The following SLC38A12 variants were observed in gnomAD, a reference collection of about 807,000 sequenced individuals.
SLC38A12 encodes the protein solute carrier family 38 member 12.
the SLC38A12 span, chr17:74,790,369 C>T: frequency 3.8e-6 from 5 of 1,325,986 alleles, no homozygotes; most frequent in South Asian, 4.7e-5. Flanking sequence ...TGGAGAGGGC[C>T]CTGGAGAGGC....
chr17:74,777,593 G>A, the SLC38A12 span: 8 of 1,508,592 alleles, frequency 5.3e-6, no homozygotes, highest in Non-Finnish European at 6.2e-6. Context: ...TGTCAGAGTG[G>A]TCAAGCCAAA....
chr17:74,834,921 CAGAA>C, the SLC38A12 span, among the ~76,000 whole-genome samples: 2 of 152,236 alleles, frequency 1.3e-5, no homozygotes, highest in Non-Finnish European at 1.5e-5. Flanking sequence ...GCGGGAGACA[CAGAA>C]AGATCTAAGA....
the SLC38A12 span, chr17:74,839,086 C>G: frequency 6.5e-7 from 1 of 1,534,900 alleles, no homozygotes; most frequent in South Asian, 1.2e-5. Context: ...CCCACAGAAG[C>G]ACCAGACCCA....
the SLC38A12 span, among the ~76,000 whole-genome samples, chr17:74,830,160 G>A: frequency 9.9e-5 from 15 of 152,168 alleles, no homozygotes; most frequent in Non-Finnish European, 1.8e-4. Context: ...ATCCCCATCT[G>A]GCCCCAAGAA....
the SLC38A12 span, among the ~76,000 whole-genome samples, chr17:74,796,162 T>C: frequency 6.6e-6 from 1 of 152,152 alleles, no homozygotes; most frequent in Non-Finnish European, 1.5e-5. Flanking sequence ...CTTGATTGCT[T>C]TGTGCCGTTG....
chr17:74,783,130 A>AAAAAAT, the SLC38A12 span, among the ~76,000 whole-genome samples: 1 of 152,196 alleles, frequency 6.6e-6, no homozygotes, highest in Non-Finnish European at 1.5e-5. Context: ...ACTCCGTCTC[A>AAAAAAT]AAAAATAAAA....
chr17:74,817,015 G>A, the SLC38A12 span, among the ~76,000 whole-genome samples: 20 of 111,446 alleles, frequency 1.8e-4, no homozygotes, highest in South Asian at 2.9e-3. Flanking sequence ...TCCTTCTCCC[G>A]CCCCCGTCCC....
the SLC38A12 span, among the ~76,000 whole-genome samples, chr17:74,820,813 C>A: frequency 6.6e-6 from 1 of 152,334 alleles, no homozygotes; most frequent in African/African-American, 2.4e-5. Flanking sequence ...TCTGGGGGTG[C>A]ACGCTGATCC....
At chr17:74,820,839 A>T in the SLC38A12 span, among the ~76,000 whole-genome samples, 2 of 152,032 alleles carry the variant, frequency 1.3e-5, no homozygotes, top group Non-Finnish European at 2.9e-5. Context: ...CCATGCCAGG[A>T]CTCAGCAGCG....
At chr17:74,785,352 C>T in the SLC38A12 span, 4 of 1,349,498 alleles carry the variant, frequency 3.0e-6, no homozygotes, top group Admixed American at 4.5e-5. Flanking sequence ...CCTGTCCTGC[C>T]TCCTTCCCTG....
At chr17:74,815,323 G>A in the SLC38A12 span, among the ~76,000 whole-genome samples, 1 of 152,214 alleles carries the variant, frequency 6.6e-6, no homozygotes, top group Non-Finnish European at 1.5e-5. Context: ...AGGACCAGTG[G>A]CTGGGACAAT....
At chr17:74,805,491 G>A in the SLC38A12 span, among the ~76,000 whole-genome samples, 1 of 152,230 alleles carries the variant, frequency 6.6e-6, no homozygotes, top group African/African-American at 2.4e-5. The surrounding 1 kb of genome is among the most constrained non-coding windows in gnomAD (Gnocchi z 5.0). Context: ...GCTCCCCGGA[G>A]AGGGCATCTC....
the SLC38A12 span, among the ~76,000 whole-genome samples, chr17:74,809,489 G>A: frequency 3.9e-5 from 6 of 152,282 alleles, no homozygotes; most frequent in African/African-American, 7.2e-5. Flanking sequence ...CTCGGAGCCC[G>A]CACAGGGGAG....
chr17:74,816,320 G>A, the SLC38A12 span, among the ~76,000 whole-genome samples: 1 of 152,238 alleles, frequency 6.6e-6, no homozygotes, highest in African/African-American at 2.4e-5. Flanking sequence ...GGAACCTCAT[G>A]TAGAGAGCAA....
chr17:74,788,053 C>CA, the SLC38A12 span, among the ~76,000 whole-genome samples: 1 of 152,122 alleles, frequency 6.6e-6, no homozygotes, highest in Non-Finnish European at 1.5e-5. Flanking sequence ...CTCAACCTCC[C>CA]AAAGTGCTGG....
chr17:74,778,043 T>C, the SLC38A12 span, among the ~76,000 whole-genome samples: 3 of 152,150 alleles, frequency 2.0e-5, no homozygotes, highest in Non-Finnish European at 4.4e-5. Context: ...ACCGCTTTGG[T>C]CTTTACTGAA....
At chr17:74,832,536 C>T in the SLC38A12 span, among the ~76,000 whole-genome samples, 2 of 152,242 alleles carry the variant, frequency 1.3e-5, no homozygotes, top group Non-Finnish European at 2.9e-5. Flanking sequence ...CTCACCATGG[C>T]GGCCTCTCCC....
At chr17:74,793,663 C>T in the SLC38A12 span, among the ~76,000 whole-genome samples, 18 of 152,188 alleles carry the variant, frequency 1.2e-4, no homozygotes, top group African/African-American at 2.9e-4. Flanking sequence ...GGGAGTGGGG[C>T]GGGGGACAAT....
chr17:74,838,707 C>G, the SLC38A12 span: 1 of 1,436,110 alleles, frequency 7.0e-7, no homozygotes, highest in Non-Finnish European at 9.1e-7. Flanking sequence ...ACCTTCCTCT[C>G]CATCGATGCC....
Sources: gnomAD v4.1 joint callset for allele counts (sites outside exome capture counted in the v4.1 genomes callset) on GRCh38, gnomAD v4.1.1 for gene constraint, Gnocchi (gnomAD v3.1) non-coding constraint, MANE v1.5 for transcripts, NCBI Gene and HGNC (gene_info 2026-07-23, HGNC 2026-07-21) for gene names.